RIMS2: variants seen among roughly 807,000 people sequenced by gnomAD.
RIMS2 encodes the protein regulating synaptic membrane exocytosis protein 2.
Under a neutral mutation model 174.4 loss-of-function variants are expected in RIMS2, and 59 were observed. The observed-to-expected ratio is 0.34, with a 90% CI of 0.27 to 0.42. The LOEUF is 0.42. Ranked by LOEUF, RIMS2 falls within the 10% of genes least tolerant of loss-of-function variation. RIMS2 has a pLI of 1.00. For synonymous variants in RIMS2, 606 were observed against 572.5 expected (o/e 1.06, Z -0.84); for missense variants, 1,620 against 1,666.3 (o/e 0.97, Z 0.48).
chr8:104,178,050 T>C (rs1203779706), intron 19 of RIMS2, among the ~76,000 whole-genome samples: 5 of 152,118 alleles, frequency 3.3e-5, no homozygotes, highest in African/African-American at 1.2e-4. Context: ...CTGTAAAAAA[T>C]TACTACAAAT....
In RIMS2 at chr8:104,228,219, A is replaced by G. The variant is rs10102236; in HGVS notation, c.3335-16697A>G. The stretch of plus-strand genomic sequence containing the variant: ...AATTTTTTGTATATTTAGTGGAGAC[A>G]GGGTTTCACCGTGTTAGCCAGGGTG... On this transcript the variant is annotated intron_variant, in intron 19 of 23. Coordinates refer to ENST00000504942, the Ensembl canonical transcript of RIMS2. Among the ~76,000 whole-genome samples, 1,506 of 151,840 alleles carry G rather than the reference A, an allele frequency of 9.9e-3. 20 individuals carry two copies. Among genetic ancestry groups the G allele is most frequent in the African/African-American group, 0.033 (1,352 of 41,416 alleles).
At chr8:103,882,694 T>C (rs2099173741) in intron 3 of RIMS2, among the ~76,000 whole-genome samples, 1 of 151,602 alleles carries the variant, frequency 6.6e-6, no homozygotes, top group Non-Finnish European at 1.5e-5. Context: ...GGATTTAACA[T>C]TGAATTCAAT....
intron 1 of RIMS2, among the ~76,000 whole-genome samples, chr8:103,594,098 A>G (rs969403566): frequency 6.6e-6 from 1 of 151,678 alleles, no homozygotes; most frequent in Non-Finnish European, 1.5e-5. Context: ...TTTCACGATT[A>G]TTTTTGGGCG....
intron 1 of RIMS2, among the ~76,000 whole-genome samples, chr8:103,638,583 G>A (rs78647293): frequency 0.012 from 1,767 of 151,988 alleles, 43 homozygotes; most frequent in African/African-American, 0.04. Context: ...TTTGGCCATT[G>A]GGAACTCTTT....
intron 14 of RIMS2, among the ~76,000 whole-genome samples, chr8:103,952,375 G>T (rs1016684570): frequency 3.9e-5 from 6 of 152,152 alleles, no homozygotes; most frequent in Non-Finnish European, 7.4e-5. Flanking sequence ...GCTGGCATCT[G>T]GTGGGTGCCC....
chr8:103,705,254 T>G (rs578016584), intron 2 of RIMS2, among the ~76,000 whole-genome samples: 2 of 152,246 alleles, frequency 1.3e-5, no homozygotes, highest in Admixed American at 6.5e-5. Flanking sequence ...ATGTACAGTT[T>G]TCAACATTCC....
At chr8:103,874,581 G>A (rs1475735449) in intron 3 of RIMS2, among the ~76,000 whole-genome samples, 1 of 151,912 alleles carries the variant, frequency 6.6e-6, no homozygotes, top group Non-Finnish European at 1.5e-5. Context: ...GGCTAAACAA[G>A]TAATTTCACA....
chr8:104,073,275 T>A (rs1030564156), intron 19 of RIMS2, among the ~76,000 whole-genome samples: 1 of 152,198 alleles, frequency 6.6e-6, no homozygotes, highest in Non-Finnish European at 1.5e-5. Flanking sequence ...TTTAAACATA[T>A]GAGCTTTAGT....
chr8:104,195,376 T>A (rs935321008), intron 19 of RIMS2, among the ~76,000 whole-genome samples: 9 of 152,180 alleles, frequency 5.9e-5, no homozygotes, highest in African/African-American at 2.2e-4. Flanking sequence ...AGGAGCAAGT[T>A]TGACAAAGAA....
chr8:103,911,148 G>A (rs2075599334), intron 5 of RIMS2, among the ~76,000 whole-genome samples: 1 of 152,056 alleles, frequency 6.6e-6, no homozygotes, highest in Admixed American at 6.6e-5. Context: ...GTAATTGACT[G>A]GAACTTATGT....
chr8:104,050,708 C>G (rs540876340), intron 19 of RIMS2, among the ~76,000 whole-genome samples: 7 of 152,038 alleles, frequency 4.6e-5, no homozygotes, highest in African/African-American at 1.7e-4. Flanking sequence ...ATAAGTAAAG[C>G]GTAGCACTGG....
At chr8:103,593,724 ATG>A (rs2094363744) in intron 1 of RIMS2, among the ~76,000 whole-genome samples, 1 of 151,456 alleles carries the variant, frequency 6.6e-6, no homozygotes, top group Non-Finnish European at 1.5e-5. Context: ...CTTTTGAGAA[ATG>A]TGATTACTTT....
At chr8:104,201,141 C>G (rs897498875) in intron 19 of RIMS2, among the ~76,000 whole-genome samples, 1 of 152,104 alleles carries the variant, frequency 6.6e-6, no homozygotes, top group Non-Finnish European at 1.5e-5. Context: ...CACCCTCTCC[C>G]CTCAAGTAGG....
At chr8:103,786,106 T>C (rs3110464) in intron 3 of RIMS2, among the ~76,000 whole-genome samples, 123,918 of 151,746 alleles carry the variant, frequency 0.82, 51,187 homozygotes, top group African/African-American at 0.94. Flanking sequence ...TCTGTGGGAT[T>C]GGTGGTGATA....
intron 1 of RIMS2, among the ~76,000 whole-genome samples, chr8:103,639,304 G>A (rs376555009): frequency 9.1e-4 from 138 of 151,504 alleles, no homozygotes; most frequent in African/African-American, 3.2e-3. Flanking sequence ...ATTCCTTCCA[G>A]GGATTTAAAA....
intron 13 of RIMS2, among the ~76,000 whole-genome samples, chr8:103,941,332 A>G (rs1183078304): frequency 1.3e-5 from 2 of 152,032 alleles, no homozygotes; most frequent in African/African-American, 2.4e-5. Context: ...ATAAATAAAA[A>G]AAGAAATTAG....
chr8:103,680,411 T>C (rs1380499965), intron 1 of RIMS2, among the ~76,000 whole-genome samples: 1 of 151,968 alleles, frequency 6.6e-6, no homozygotes, highest in Non-Finnish European at 1.5e-5. Flanking sequence ...ATATGACTGG[T>C]AAAATTATAA....
intron 19 of RIMS2, among the ~76,000 whole-genome samples, chr8:104,174,474 G>A (rs2098859726): frequency 6.6e-6 from 1 of 152,138 alleles, no homozygotes; most frequent in Non-Finnish European, 1.5e-5. Flanking sequence ...TGGTTTACTG[G>A]CATATTCATT....
At chr8:103,520,284 G>A (rs939575445) in intron 1 of RIMS2, among the ~76,000 whole-genome samples, 2 of 152,122 alleles carry the variant, frequency 1.3e-5, no homozygotes, top group African/African-American at 4.8e-5. Context: ...CTGCTGCCAT[G>A]CTTGTGCTCT....
Sources: allele counts gnomAD v4.1 joint callset (sites outside exome capture counted in the v4.1 genomes callset), GRCh38; gene constraint gnomAD v4.1.1; transcripts MANE v1.5; gene names NCBI Gene and HGNC (gene_info 2026-07-23, HGNC 2026-07-21).